Variants in CFAP263 observed in about 807,000 individuals in gnomAD.
The protein encoded by CFAP263 is cilia- and flagella-associated protein 263.
chr16:58,274,369 T>C, the CFAP263 span, among the ~76,000 whole-genome samples: 2 of 152,216 alleles, frequency 1.3e-5, no homozygotes, highest in African/African-American at 4.8e-5. Flanking sequence ...GCTCCCCATC[T>C]CTGTTCCAAA....
chr16:58,252,936 C>A, the CFAP263 span: 5 of 1,375,964 alleles, frequency 3.6e-6, no homozygotes, highest in Non-Finnish European at 5.1e-6. Context: ...CTTTGGTGCG[C>A]CCTCTGTGGC....
the CFAP263 span, among the ~76,000 whole-genome samples, chr16:58,260,547 G>A: frequency 9.4e-3 from 1,426 of 152,296 alleles, 15 homozygotes; most frequent in African/African-American, 0.033. Context: ...ATACTTGTTG[G>A]CCCTTTCTGG....
the CFAP263 span, among the ~76,000 whole-genome samples, chr16:58,255,763 C>T: frequency 3.2e-4 from 48 of 152,140 alleles, 1 homozygote; most frequent in Admixed American, 7.9e-4. Flanking sequence ...CGGGGTTTCA[C>T]CATGTTAGCC....
the CFAP263 span, among the ~76,000 whole-genome samples, chr16:58,253,630 C>T: frequency 6.6e-6 from 1 of 152,194 alleles, no homozygotes; most frequent in African/African-American, 2.4e-5. Context: ...AACACAGTCC[C>T]CCACGGATGC....
At chr16:58,252,959 G>C in the CFAP263 span, 1 of 1,097,220 alleles carries the variant, frequency 9.1e-7, no homozygotes, top group Non-Finnish European at 1.4e-6. Flanking sequence ...ATTGACCATG[G>C]GACCTTCTCC....
chr16:58,253,996 A>G, the CFAP263 span: 2 of 1,614,130 alleles, frequency 1.2e-6, no homozygotes, highest in Admixed American at 3.3e-5. Flanking sequence ...CTTGGGTTGC[A>G]GTTTCGAGGC....
chr16:58,276,870 G>A, the CFAP263 span, among the ~76,000 whole-genome samples: 2 of 152,196 alleles, frequency 1.3e-5, no homozygotes, highest in African/African-American at 2.4e-5. Flanking sequence ...AAGATTTATT[G>A]AGTGAAAACA....
chr16:58,259,949 T>TTC, the CFAP263 span: 36 of 1,539,746 alleles, frequency 2.3e-5, no homozygotes, highest in East Asian at 9.0e-5. Context: ...GTGGTCCTTT[T>TTC]TCTCTCTCTC....
chr16:58,266,393 ATATATATATATATTTTT>A, the CFAP263 span, among the ~76,000 whole-genome samples: 2 of 33,704 alleles, frequency 5.9e-5, no homozygotes, highest in Non-Finnish European at 1.2e-4. Context: ...ATATATATAT[ATATATATATATATTTTT>A]TTTTTTTTTT....
At chr16:58,278,458 T>G in the CFAP263 span, 4 of 1,610,762 alleles carry the variant, frequency 2.5e-6, no homozygotes, top group African/African-American at 4.0e-5. Context: ...GTTCCCTGGG[T>G]GTAACTGGTC....
the CFAP263 span, chr16:58,250,143 C>G: frequency 7.1e-7 from 1 of 1,410,000 alleles, no homozygotes; most frequent in Non-Finnish European, 9.8e-7. Context: ...TGGGGGCCGC[C>G]CCTCTTCCTC....
At chr16:58,274,697 C>A in the CFAP263 span, among the ~76,000 whole-genome samples, 1 of 152,206 alleles carries the variant, frequency 6.6e-6, no homozygotes, top group South Asian at 2.1e-4. Flanking sequence ...GCCTCCCTAG[C>A]CATGCAGAAC....
At chr16:58,264,691 G>A in the CFAP263 span, among the ~76,000 whole-genome samples, 83 of 152,248 alleles carry the variant, frequency 5.5e-4, no homozygotes, top group African/African-American at 1.5e-3. Context: ...CAATATTGTC[G>A]AATGAACTGC....
chr16:58,253,275 G>A, the CFAP263 span, among the ~76,000 whole-genome samples: 2 of 152,078 alleles, frequency 1.3e-5, no homozygotes, highest in African/African-American at 4.8e-5. Flanking sequence ...TAGCTACTTG[G>A]GAGGCTGAGG....
chr16:58,256,413 T>C, the CFAP263 span, among the ~76,000 whole-genome samples: 1 of 152,174 alleles, frequency 6.6e-6, no homozygotes, highest in African/African-American at 2.4e-5. Flanking sequence ...TGAAGAATGA[T>C]GGCATCTGTT....
At chr16:58,251,958 T>G in the CFAP263 span, among the ~76,000 whole-genome samples, 1 of 152,148 alleles carries the variant, frequency 6.6e-6, no homozygotes, top group South Asian at 2.1e-4. Context: ...TTTTCCAGAG[T>G]TTATGATAAA....
the CFAP263 span, among the ~76,000 whole-genome samples, chr16:58,264,344 T>C: frequency 6.6e-6 from 1 of 152,220 alleles, no homozygotes; most frequent in Non-Finnish European, 1.5e-5. Flanking sequence ...ATGGAGCTAC[T>C]GATTTTTAAA....
the CFAP263 span, among the ~76,000 whole-genome samples, chr16:58,266,361 G>T: frequency 1.8e-5 from 2 of 110,802 alleles, no homozygotes; most frequent in Non-Finnish European, 1.7e-5. Flanking sequence ...CAATCTTTCA[G>T]CTCTCTTTCC....
chr16:58,268,757 G>T, the CFAP263 span, among the ~76,000 whole-genome samples: 1 of 152,062 alleles, frequency 6.6e-6, no homozygotes, highest in Non-Finnish European at 1.5e-5. Context: ...AATTGCCATG[G>T]TCCTTATTTA....
Sources: allele counts gnomAD v4.1 joint callset (sites outside exome capture counted in the v4.1 genomes callset), GRCh38; gene constraint gnomAD v4.1.1; transcripts MANE v1.5; gene names NCBI Gene and HGNC (gene_info 2026-07-23, HGNC 2026-07-21).